CAMK2B: variants seen among roughly 807,000 people sequenced by gnomAD.
CAMK2B encodes calcium/calmodulin-dependent protein kinase type II subunit beta.
CAMK2B carries 27 observed loss-of-function variants against 93.7 expected under a neutral mutation model. That is an observed-to-expected ratio of 0.29 (90% CI 0.21 to 0.40). The LOEUF (loss-of-function observed/expected upper bound fraction) is 0.40. CAMK2B is among the 10% of genes least tolerant of loss of function. CAMK2B has a pLI of 1.00. For synonymous variants in CAMK2B, 374 were observed against 358.8 expected (o/e 1.04, Z -0.48); for missense variants, 568 against 895.8 (o/e 0.63, Z 4.67).
At chr7:44,314,336 C>T (rs939898013) in intron 1 of CAMK2B, among the ~76,000 whole-genome samples, 2 of 152,174 alleles carry the variant, frequency 1.3e-5, no homozygotes, top group Admixed American at 1.3e-4. Flanking sequence ...ACAGGTTTGC[C>T]TTTTCTGGAC....
chr7:44,296,453 C>T (rs1192845563), intron 1 of CAMK2B, among the ~76,000 whole-genome samples: 6 of 151,830 alleles, frequency 4.0e-5, no homozygotes. Context: ...AGAAAAATTA[C>T]AAAAGATATA....
chr7:44,314,254 G>C (rs975101794), intron 1 of CAMK2B, among the ~76,000 whole-genome samples: 26 of 152,120 alleles, frequency 1.7e-4, no homozygotes, highest in South Asian at 1.0e-3. Context: ...CATCACTTCA[G>C]AACCAAACTT....
At chr7:44,233,055 G>C (rs771712335) in intron 15 of CAMK2B, among the ~76,000 whole-genome samples, 189 bp from the exon 16 acceptor site, 1 of 152,090 alleles carries the variant, frequency 6.6e-6, no homozygotes, top group Non-Finnish European at 1.5e-5. Flanking sequence ...AGGAGCCTGG[G>C]TCAGCCGGCA....
chr7:44,267,272 C>T (rs2096928915), intron 2 of CAMK2B, among the ~76,000 whole-genome samples: 1 of 152,166 alleles, frequency 6.6e-6, no homozygotes, highest in Non-Finnish European at 1.5e-5. Context: ...GCACAAAAAG[C>T]CAATGACAGC....
chr7:44,313,021 C>T (rs565770595), intron 1 of CAMK2B, among the ~76,000 whole-genome samples: 47 of 152,196 alleles, frequency 3.1e-4, no homozygotes, highest in African/African-American at 1.0e-3. Flanking sequence ...CATTAATTTC[C>T]AGGGAGACAG....
At chr7:44,255,669 G>A (rs1233397711) in intron 4 of CAMK2B, among the ~76,000 whole-genome samples, 1 of 152,200 alleles carries the variant, frequency 6.6e-6, no homozygotes, top group African/African-American at 2.4e-5. Flanking sequence ...GTTCTGGAAT[G>A]TAGGGCTTAG....
chr7:44,323,099 C>T (rs1170362407), intron 1 of CAMK2B, among the ~76,000 whole-genome samples: 2 of 152,224 alleles, frequency 1.3e-5, no homozygotes, highest in South Asian at 2.1e-4. Context: ...ACCTCTATGG[C>T]ACGGCTGCAC....
intron 1 of CAMK2B, among the ~76,000 whole-genome samples, chr7:44,318,453 A>G (rs1339460390): frequency 6.6e-6 from 1 of 152,208 alleles, no homozygotes; most frequent in African/African-American, 2.4e-5. Flanking sequence ...ACCATTGCTG[A>G]GTCACTGTGG....
At chr7:44,251,075 G>A (rs1003169696) in intron 5 of CAMK2B, among the ~76,000 whole-genome samples, 1 of 152,196 alleles carries the variant, frequency 6.6e-6, no homozygotes, top group African/African-American at 2.4e-5. Flanking sequence ...CTCCACGGCA[G>A]CAGCTCCTGG....
chr7:44,230,831 C>G (rs2096572301), intron 17 of CAMK2B, among the ~76,000 whole-genome samples, 175 bp downstream of exon 17: 1 of 152,172 alleles, frequency 6.6e-6, no homozygotes, highest in Non-Finnish European at 1.5e-5. Context: ...CCGCTCTGGG[C>G]AGGCCTGACA....
intron 11 of CAMK2B, among the ~76,000 whole-genome samples, chr7:44,241,145 A>G (rs2096674181): frequency 6.6e-6 from 1 of 151,994 alleles, no homozygotes; most frequent in Non-Finnish European, 1.5e-5. Context: ...CTGCTCAGAG[A>G]CCAGCAGAGG....
intron 2 of CAMK2B, among the ~76,000 whole-genome samples, chr7:44,283,058 G>T (rs974858878): frequency 6.6e-6 from 1 of 152,198 alleles, no homozygotes; most frequent in African/African-American, 2.4e-5. Context: ...ACATGGGGCT[G>T]CCACCTCAGT....
intron 1 of CAMK2B, among the ~76,000 whole-genome samples, chr7:44,323,602 G>GA (rs1247451153): frequency 3.9e-5 from 6 of 152,244 alleles, no homozygotes; most frequent in African/African-American, 1.4e-4. Context: ...AGAAGGAACA[G>GA]CCAGAGTGAG....
chr7:44,289,428 C>T (rs1436811289), intron 1 of CAMK2B, among the ~76,000 whole-genome samples: 1 of 152,236 alleles, frequency 6.6e-6, no homozygotes, highest in Non-Finnish European at 1.5e-5. Flanking sequence ...CCCTCTCATG[C>T]CTCACCTTCA....
rs1465852529 is a variant in CAMK2B at position 44,229,405 on chromosome 7, C to CTAAAG, written c.1317_1321dup (p.Ser441ThrfsTer16). 4 of 1,520,552 alleles carry CTAAAG rather than the reference C, an allele frequency of 2.6e-6. No individual in the cohort carries two copies. Among genetic ancestry groups the CTAAAG allele is most frequent in the Non-Finnish European group, 3.5e-6 (4 of 1,134,532 alleles). 94.2% of individuals were successfully genotyped at this position (1,520,552 alleles called of 1,614,324 possible). On this transcript the variant is annotated frameshift_variant, in exon 18 of 24. Transcript: ENST00000395749. LOFTEE classifies it high-confidence loss of function. The stretch of plus-strand genomic sequence containing the variant: ...CTACTTACATGGGGCTGGCAGGGGG[C>CTAAAG]TAAAGGGAGCCGGAGATGGGCAGGG...
intron 1 of CAMK2B, among the ~76,000 whole-genome samples, chr7:44,284,992 C>T (rs1784660470): frequency 6.6e-6 from 1 of 152,134 alleles, no homozygotes; most frequent in Admixed American, 6.5e-5. Flanking sequence ...GCCCAAGAGA[C>T]ACAAGGAAGG....
chr7:44,244,926 ATCCGTG>A (rs2096715798), intron 6 of CAMK2B: 3 of 455,812 alleles, frequency 6.6e-6, no homozygotes, highest in Non-Finnish European at 4.4e-6. Context: ...GGGCACACGC[ATCCGTG>A]TCCACCGAGC....
chr7:44,282,387 A>G (rs1358430211), intron 2 of CAMK2B, among the ~76,000 whole-genome samples: 2 of 152,222 alleles, frequency 1.3e-5, no homozygotes, highest in East Asian at 3.8e-4. Context: ...AGGGACACCC[A>G]GGCCCCCGCA....
intron 1 of CAMK2B, among the ~76,000 whole-genome samples, chr7:44,289,560 C>G (rs1220937848): frequency 6.6e-6 from 1 of 152,210 alleles, no homozygotes; most frequent in African/African-American, 2.4e-5. Flanking sequence ...CGTGTGGTCA[C>G]GCAGACCTTG....
Sources: gnomAD v4.1 joint callset for allele counts (sites outside exome capture counted in the v4.1 genomes callset) on GRCh38, gnomAD v4.1.1 for gene constraint, MANE v1.5 for transcripts, NCBI Gene and HGNC (gene_info 2026-07-23, HGNC 2026-07-21) for gene names.